The following RBM47 variants were observed in gnomAD, a reference collection of about 807,000 sequenced individuals.
RBM47 encodes RNA-binding protein 47.
A neutral mutation model predicts 47.1 loss-of-function variants in RBM47; 21 were observed. That is an observed-to-expected ratio of 0.45 (90% CI 0.32 to 0.64). The LOEUF is 0.64. Ranked by LOEUF, RBM47 falls within the 30% of genes least tolerant of loss-of-function variation. The pLI is 0.05. For synonymous variants in RBM47, 375 were observed against 361.7 expected (o/e 1.04, Z -0.42); for missense variants, 708 against 870.9 (o/e 0.81, Z 2.35).
At chr4:40,438,970 C>T in intron 3 of RBM47, 46 bp from the exon 4 acceptor site, 1 of 1,430,144 alleles carries the variant, frequency 7.0e-7, no homozygotes, top group Non-Finnish European at 9.2e-7. Flanking sequence ...CTGGATCTTG[C>T]CTCTTTTGGG....
intron 1 of RBM47, among the ~76,000 whole-genome samples, chr4:40,589,264 G>A (rs1043269293): frequency 4.6e-5 from 7 of 151,652 alleles, no homozygotes; most frequent in Non-Finnish European, 8.8e-5. Flanking sequence ...CACAGCACCC[G>A]GCCCAAAGGT....
intron 1 of RBM47, among the ~76,000 whole-genome samples, chr4:40,606,982 G>A (rs559189473): frequency 9.2e-5 from 14 of 152,056 alleles, no homozygotes; most frequent in African/African-American, 3.4e-4. Flanking sequence ...GACCCTGTCA[G>A]AAAAAAAGCC....
At chr4:40,431,897 G>A (rs2154210264) in intron 6 of RBM47, among the ~76,000 whole-genome samples, 1 of 152,166 alleles carries the variant, frequency 6.6e-6, no homozygotes, top group East Asian at 1.9e-4. Flanking sequence ...TGCCCAGGCT[G>A]GAGTGCAGTA....
intron 1 of RBM47, among the ~76,000 whole-genome samples, chr4:40,574,621 G>A (rs1732117579): frequency 6.6e-6 from 1 of 152,148 alleles, no homozygotes; most frequent in Admixed American, 6.5e-5. Flanking sequence ...AAGCTGAGGT[G>A]GGCAGATCAC....
At chr4:40,496,298 A>G (rs1170262894) in intron 2 of RBM47, among the ~76,000 whole-genome samples, 1 of 151,952 alleles carries the variant, frequency 6.6e-6, no homozygotes, top group Non-Finnish European at 1.5e-5. Context: ...CACTTGGTCT[A>G]AACTATTCTG....
intron 1 of RBM47, among the ~76,000 whole-genome samples, chr4:40,558,771 T>C (rs979428441): frequency 2.0e-5 from 3 of 147,492 alleles, no homozygotes; most frequent in African/African-American, 5.1e-5. Context: ...GAGGTTGTAG[T>C]GGGCCGAGAT....
At chr4:40,601,321 G>A (rs1196871352) in intron 1 of RBM47, among the ~76,000 whole-genome samples, 1 of 152,160 alleles carries the variant, frequency 6.6e-6, no homozygotes, top group African/African-American at 2.4e-5. Flanking sequence ...GAAGTTCTTG[G>A]TGCACATGCT....
At chr4:40,623,157 G>T (rs549270628) in intron 1 of RBM47, among the ~76,000 whole-genome samples, 1 of 152,106 alleles carries the variant, frequency 6.6e-6, no homozygotes, top group South Asian at 2.1e-4. Context: ...GGGCTTGTCC[G>T]TATCATATGA....
At chr4:40,490,710 C>G (rs959277967) in intron 2 of RBM47, among the ~76,000 whole-genome samples, 1 of 151,424 alleles carries the variant, frequency 6.6e-6, no homozygotes, top group Admixed American at 6.6e-5. Context: ...GAGATCGCGC[C>G]ACTGCACTCC....
At chr4:40,551,859 G>A (rs935453860) in intron 1 of RBM47, among the ~76,000 whole-genome samples, 1 of 151,882 alleles carries the variant, frequency 6.6e-6, no homozygotes, top group Non-Finnish European at 1.5e-5. Context: ...ATGTTGGCCA[G>A]GCTAGTCTCG....
chr4:40,446,275 C>G (rs1392832815), intron 3 of RBM47, among the ~76,000 whole-genome samples: 1 of 152,162 alleles, frequency 6.6e-6, no homozygotes, highest in African/African-American at 2.4e-5. Context: ...GAAACTGAGG[C>G]ACAGAGAGGC....
At chr4:40,503,748 C>T (rs554359800) in intron 2 of RBM47, among the ~76,000 whole-genome samples, 6 of 151,350 alleles carry the variant, frequency 4.0e-5, no homozygotes, top group Non-Finnish European at 8.8e-5. Context: ...AAATATATTA[C>T]ACACACACAC....
At chr4:40,485,378 T>G (rs1012603126) in intron 2 of RBM47, among the ~76,000 whole-genome samples, 1 of 152,254 alleles carries the variant, frequency 6.6e-6, no homozygotes, top group Non-Finnish European at 1.5e-5. Context: ...AGTCGACAGC[T>G]GCTTTATCTA....
At chr4:40,452,686 G>A (rs528802134) in intron 3 of RBM47, among the ~76,000 whole-genome samples, 2 of 90,192 alleles carry the variant, frequency 2.2e-5, no homozygotes, top group African/African-American at 5.8e-5. Flanking sequence ...TAACACTACT[G>A]CAGTTTTTTT....
rs183520075 is a variant in RBM47 at position 40,527,031 on chromosome 4, T to C, written c.-155+17391A>G. On this transcript the variant is annotated intron_variant, in intron 2 of 6. Coordinates refer to ENST00000295971, the MANE Select transcript of RBM47 (RefSeq NM_001098634.2). ...CCATCTGACTTGCCCAAGTCAGCTA[T>C]AGCTGTGGCAGAGAATTTAATCTGG... Among the ~76,000 whole-genome samples, 39 of 152,290 alleles carry C rather than the reference T, an allele frequency of 2.6e-4. No individual in the cohort carries two copies. The East Asian group carries it at 5.6e-3, about 22-fold the overall frequency.
At chr4:40,480,296 G>A (rs985680789) in intron 2 of RBM47, among the ~76,000 whole-genome samples, 1 of 152,104 alleles carries the variant, frequency 6.6e-6, no homozygotes, top group Non-Finnish European at 1.5e-5. Flanking sequence ...TTTTATAGAT[G>A]AGAAAACAAG....
At chr4:40,492,898 CA>C (rs1232285941) in intron 2 of RBM47, among the ~76,000 whole-genome samples, 3 of 152,150 alleles carry the variant, frequency 2.0e-5, no homozygotes. Context: ...CCAGCCTCAG[CA>C]GGCAGCAACT....
chr4:40,600,382 C>T (rs534628626), intron 1 of RBM47, among the ~76,000 whole-genome samples: 115 of 151,348 alleles, frequency 7.6e-4, no homozygotes, highest in African/African-American at 2.6e-3. Flanking sequence ...AGCCTGTAAT[C>T]CCAGCACTTT....
At chr4:40,505,763 C>T (rs184660467) in intron 2 of RBM47, among the ~76,000 whole-genome samples, 5 of 151,216 alleles carry the variant, frequency 3.3e-5, no homozygotes, top group African/African-American at 7.3e-5. Context: ...TGGTGGTGTG[C>T]GCCTGTAGTC....
Sources: gnomAD v4.1 joint callset for allele counts (sites outside exome capture counted in the v4.1 genomes callset) on GRCh38, gnomAD v4.1.1 for gene constraint, MANE v1.5 for transcripts, NCBI Gene and HGNC (gene_info 2026-07-23, HGNC 2026-07-21) for gene names.